Variants in NRCAM observed in about 807,000 individuals in gnomAD.
NRCAM encodes the protein NgCAM-related cell adhesion molecule.
Under a neutral mutation model 156.5 loss-of-function variants are expected in NRCAM, and 83 were observed. That is an observed-to-expected ratio of 0.53 (90% CI 0.44 to 0.64). The LOEUF (loss-of-function observed/expected upper bound fraction) is 0.64, where lower values mean the gene tolerates loss of function less well. Ranked by LOEUF, NRCAM falls within the 30% of genes least tolerant of loss-of-function variation. The pLI is 0.00. For synonymous variants in NRCAM, 538 were observed against 563.9 expected (o/e 0.95, Z 0.65); for missense variants, 1,417 against 1,597.3 (o/e 0.89, Z 1.92).
intron 2 of NRCAM, among the ~76,000 whole-genome samples, chr7:108,370,406 G>T (rs1049949047): frequency 1.3e-5 from 2 of 152,078 alleles, no homozygotes; most frequent in South Asian, 4.1e-4. Flanking sequence ...ATGTTTTCAT[G>T]TATTACCAAA....
At chr7:108,203,052 G>A (rs1384691910) in intron 13 of NRCAM, among the ~76,000 whole-genome samples, 1 of 152,182 alleles carries the variant, frequency 6.6e-6, no homozygotes, top group Non-Finnish European at 1.5e-5. Flanking sequence ...GGAAGAAAAA[G>A]GAACTCAAAA....
chr7:108,192,238 G>A lies in NRCAM; in HGVS notation c.1779-385C>T, dbSNP rs367867207. ...AATGGGGCGAGTGAAGCTGAGCTCC[G>A]CCTCCTGTCAGATTAGTGGCAGCAT... is the stretch of plus-strand genomic sequence containing the variant. On this transcript the variant is annotated intron_variant, in intron 17 of 32. Coordinates refer to ENST00000379028, the MANE Select transcript of NRCAM (RefSeq NM_001037132.4). Among the ~76,000 whole-genome samples the A allele has an allele frequency of 4.6e-5, 7 of 151,856 alleles. No homozygotes were observed. The South Asian group carries it at 8.3e-4, about 18-fold the overall frequency.
chr7:108,247,396 C>T (rs2096014618), intron 3 of NRCAM, among the ~76,000 whole-genome samples: 1 of 152,154 alleles, frequency 6.6e-6, no homozygotes, highest in Non-Finnish European at 1.5e-5. Context: ...AATAGTGTGG[C>T]AATGTAGACT....
intron 1 of NRCAM, among the ~76,000 whole-genome samples, chr7:108,428,788 C>T (rs1288803785): frequency 2.0e-5 from 3 of 152,152 alleles, no homozygotes; most frequent in Admixed American, 2.0e-4. Flanking sequence ...TTTCTCCCAT[C>T]TTACTTCGTT....
intron 2 of NRCAM, among the ~76,000 whole-genome samples, chr7:108,388,282 T>C (rs1458159317): frequency 6.6e-6 from 1 of 152,184 alleles, no homozygotes; most frequent in Non-Finnish European, 1.5e-5. Context: ...CTCATTGTGG[T>C]TTTGATTTGC....
intron 32 of NRCAM, among the ~76,000 whole-genome samples, chr7:108,153,336 AAT>A (rs1167620707): frequency 6.6e-6 from 1 of 152,142 alleles, no homozygotes; most frequent in Non-Finnish European, 1.5e-5. Context: ...AGCAGAAGAA[AAT>A]AAAAATATGA....
At chr7:108,394,621 G>A (rs907164383) in intron 2 of NRCAM, among the ~76,000 whole-genome samples, 19 of 152,096 alleles carry the variant, frequency 1.2e-4, no homozygotes, top group African/African-American at 4.6e-4. Flanking sequence ...AGCAAGGAGG[G>A]GAAACAGAAA....
At chr7:108,251,327 A>G (rs17331230) in intron 3 of NRCAM, among the ~76,000 whole-genome samples, 34,828 of 152,214 alleles carry the variant, frequency 0.23, 4,293 homozygotes, top group Non-Finnish European at 0.27. Flanking sequence ...TAGTTCACAA[A>G]TAAACTGGGT....
At chr7:108,419,083 C>T (rs1400905707) in intron 1 of NRCAM, among the ~76,000 whole-genome samples, 1 of 152,130 alleles carries the variant, frequency 6.6e-6, no homozygotes, top group Non-Finnish European at 1.5e-5. Flanking sequence ...TAGGGCTTAT[C>T]GTATGTATTT....
chr7:108,360,509 G>A (rs1016905560), intron 2 of NRCAM, among the ~76,000 whole-genome samples: 4 of 152,134 alleles, frequency 2.6e-5, no homozygotes, highest in Non-Finnish European at 4.4e-5. Flanking sequence ...TAAAATTCAC[G>A]TGAAACAAAA....
intron 20 of NRCAM, among the ~76,000 whole-genome samples, chr7:108,187,689 C>T (rs541941449): frequency 1.3e-5 from 2 of 152,012 alleles, no homozygotes; most frequent in East Asian, 1.9e-4. Flanking sequence ...CAGTGGCTCA[C>T]GCCTGTAATC....
At chr7:108,418,676 GAA>G (rs1417764514) in intron 1 of NRCAM, among the ~76,000 whole-genome samples, 7 of 151,632 alleles carry the variant, frequency 4.6e-5, no homozygotes, top group Admixed American at 2.6e-4. Flanking sequence ...TAAGCACTTA[GAA>G]AATACACACC....
At chr7:108,372,280 G>A (rs2154343321) in intron 2 of NRCAM, among the ~76,000 whole-genome samples, 1 of 152,128 alleles carries the variant, frequency 6.6e-6, no homozygotes, top group South Asian at 2.1e-4. Flanking sequence ...TAAGGGAAAA[G>A]CTGCATGACA....
At chr7:108,404,250 G>A (rs1423432509) in intron 1 of NRCAM, among the ~76,000 whole-genome samples, 4 of 41,090 alleles carry the variant, frequency 9.7e-5, no homozygotes, top group African/African-American at 2.6e-4. Flanking sequence ...TTTCTGGCTT[G>A]CTTCCTTCTC....
At chr7:108,294,819 G>C (rs920780374) in intron 3 of NRCAM, among the ~76,000 whole-genome samples, 1 of 152,034 alleles carries the variant, frequency 6.6e-6, no homozygotes, top group Non-Finnish European at 1.5e-5. Context: ...CCCTTTTTTG[G>C]ACATGCTTAG....
chr7:108,232,277 G>C, intron 7 of NRCAM, 49 bp downstream of exon 7: 2 of 1,347,110 alleles, frequency 1.5e-6, no homozygotes, highest in Non-Finnish European at 2.1e-6. Context: ...GCTGAGTCTT[G>C]GAGCAATACT....
chr7:108,187,403 C>A (rs569709638), intron 20 of NRCAM, among the ~76,000 whole-genome samples: 1 of 152,292 alleles, frequency 6.6e-6, no homozygotes, highest in Non-Finnish European at 1.5e-5. Context: ...TTTGCTCTTG[C>A]TGGAAAGTTC....
intron 3 of NRCAM, among the ~76,000 whole-genome samples, chr7:108,303,214 G>A (rs762026815): frequency 9.9e-5 from 15 of 152,110 alleles, no homozygotes; most frequent in African/African-American, 1.4e-4. Flanking sequence ...CACCCACCTC[G>A]GCCTCCCAAA....
intron 28 of NRCAM, among the ~76,000 whole-genome samples, chr7:108,170,830 G>C (rs894177220): frequency 6.6e-6 from 1 of 152,128 alleles, no homozygotes; most frequent in African/African-American, 2.4e-5. Context: ...GTAGAATAGT[G>C]GTTGCCAGGG....
Sources: gnomAD v4.1 joint callset for allele counts (sites outside exome capture counted in the v4.1 genomes callset) on GRCh38, gnomAD v4.1.1 for gene constraint, MANE v1.5 for transcripts, NCBI Gene and HGNC (gene_info 2026-07-23, HGNC 2026-07-21) for gene names.